Variants in PAPPA observed in about 807,000 individuals in gnomAD.
PAPPA encodes pappalysin-1.
A neutral mutation model predicts 164.0 loss-of-function variants in PAPPA; 60 were observed. The observed-to-expected ratio is 0.37, with a 90% CI of 0.30 to 0.45. The LOEUF is 0.45. PAPPA is among the 20% of genes least tolerant of loss of function. The probability of loss-of-function intolerance (pLI) is 1.00; values close to 1 mark genes in which losing one functional copy is unlikely to be tolerated. For synonymous variants in PAPPA, 875 were observed against 814.1 expected, an observed-to-expected ratio of 1.07 and a Z score of -1.27; for missense variants, 1,782 against 2,087.3, an observed-to-expected ratio of 0.85 and a Z score of 2.85.
At chr9:116,182,173 T>C (rs1454271716) in intron 1 of PAPPA, among the ~76,000 whole-genome samples, 1 of 152,242 alleles carries the variant, frequency 6.6e-6, no homozygotes, top group African/African-American at 2.4e-5. Context: ...GCTGATAGAC[T>C]TGTTGTGAAG....
intron 20 of PAPPA, among the ~76,000 whole-genome samples, chr9:116,381,296 C>A (rs915617013): frequency 2.6e-5 from 4 of 152,202 alleles, no homozygotes; most frequent in East Asian, 3.9e-4. Flanking sequence ...TATGCCGGTA[C>A]AATTACATTC....
intron 7 of PAPPA, among the ~76,000 whole-genome samples, chr9:116,262,574 C>T (rs975317602): frequency 3.3e-5 from 5 of 152,132 alleles, no homozygotes; most frequent in Non-Finnish European, 5.9e-5. Context: ...AGACTGGAAA[C>T]GGGATATGCT....
At chr9:116,195,726 C>T (rs1207287057) in intron 2 of PAPPA, among the ~76,000 whole-genome samples, 1 of 152,180 alleles carries the variant, frequency 6.6e-6, no homozygotes, top group Admixed American at 6.5e-5. Context: ...GATAGATCTT[C>T]TCGCTTCTTA....
At position 116,202,912 on chromosome 9, in the gene PAPPA, C is replaced by T. The variant is rs576560358; in HGVS notation, c.1479-4544C>T. Among the ~76,000 whole-genome samples the T allele has an allele frequency of 2.0e-5, 3 of 152,292 alleles. No homozygotes were observed. The East Asian group carries it at 5.8e-4, about 29-fold the overall frequency. On this transcript the variant is annotated intron_variant, in intron 2 of 21. Coordinates refer to ENST00000328252, the MANE Select transcript of PAPPA (RefSeq NM_002581.5). ...GCGACATTTTTCTTTAAATATTCAT[C>T]ATTTTCTTACAAATTTAGCCCTCTG... is the stretch of plus-strand genomic sequence containing the variant.
intron 10 of PAPPA, chr9:116,318,206 C>T (rs1010019273): frequency 6.6e-6 from 1 of 152,194 alleles, no homozygotes; most frequent in African/African-American, 2.4e-5. Context: ...TCAGCAACTC[C>T]CTTCTCCAAG....
At chr9:116,170,737 C>T (rs556896262) in intron 1 of PAPPA, among the ~76,000 whole-genome samples, 1 of 151,880 alleles carries the variant, frequency 6.6e-6, no homozygotes, top group East Asian at 1.9e-4. Flanking sequence ...TGCTATCCAT[C>T]CATCTATCCA....
Position 116,234,373 on chromosome 9 carries a change from T to C in PAPPA, c.2234-766T>C, listed in dbSNP as rs553917482. Among the ~76,000 whole-genome samples, 4 of 152,192 alleles carry C rather than the reference T, an allele frequency of 2.6e-5. No homozygotes were observed. The South Asian group carries it at 8.3e-4, about 32-fold the overall frequency. On this transcript the variant is annotated intron_variant, in intron 6 of 21. Transcript: ENST00000328252. ...AACAGAGTGCGGAGAAGCTCAGTGG[T>C]ATGGAATGACTGCATGTAGAGAAGG...
At chr9:116,207,371 A>C in intron 2 of PAPPA, 85 bp from the exon 3 acceptor site, 1 of 1,116,400 alleles carries the variant, frequency 9.0e-7, no homozygotes, top group East Asian at 2.5e-5. Context: ...AATGCCTGGC[A>C]CTCATAGTAG....
At chr9:116,234,232 C>T (rs1479433759) in intron 6 of PAPPA, among the ~76,000 whole-genome samples, 2 of 152,112 alleles carry the variant, frequency 1.3e-5, no homozygotes, top group African/African-American at 4.8e-5. Flanking sequence ...ATTCAGAAGT[C>T]GCTGCAGGCT....
At chr9:116,193,434 T>C (rs1296191757) in intron 2 of PAPPA, among the ~76,000 whole-genome samples, 1 of 152,158 alleles carries the variant, frequency 6.6e-6, no homozygotes, top group African/African-American at 2.4e-5. Context: ...AATGAAGGAC[T>C]CTCAGAGCTT....
Position 116,352,934 on chromosome 9 carries a change from T to G in PAPPA, c.4175+18T>G. ...TCAAAGAAGTAAGTGGGGTTGGAAA[T>G]GCAAACTTATGGTCTCTGGGAGGAC... On this transcript the variant is annotated intron_variant, in intron 16 of 21. Coordinates refer to ENST00000328252, the MANE Select transcript of PAPPA (RefSeq NM_002581.5). 6.3e-7 allele frequency: 1 copy of G among 1,587,058 alleles called. No individual in the cohort carries two copies. The highest frequency in any genetic ancestry group is 1.1e-5 in the South Asian group (1 of 90,016).
Position 116,154,550 on chromosome 9 carries a change from A to G in PAPPA, c.378A>G (p.Arg126=). Residue 126 remains arginine (R), a synonymous_variant, in exon 1 of 22, where the codon CGA becomes CGG. Coordinates refer to ENST00000328252, the MANE Select transcript of PAPPA (RefSeq NM_002581.5). The surrounding 1 kb of genome is among the most constrained non-coding windows in gnomAD (Gnocchi z 5.2). ...RDAFTLQVWL[R]AEGGQRSPAV... ...CGTTCACGCTGCAAGTGTGGCTGCG[A>G]GCGGAGGGGGGCCAGAGGTCTCCGG... 1 of 1,405,822 alleles carries G rather than the reference A, an allele frequency of 7.1e-7. No homozygotes were observed. Among genetic ancestry groups the G allele is most frequent in the Non-Finnish European group, 9.3e-7 (1 of 1,077,748 alleles). 87.1% of individuals were successfully genotyped at this position (1,405,822 alleles called of 1,614,324 possible). A position where few individuals can be genotyped will look rare whatever the true frequency, so the allele number is the denominator to read the frequency against.
intron 15 of PAPPA, 54 bp from the exon 16 acceptor site, chr9:116,352,652 C>T (rs1846297478): frequency 7.1e-7 from 1 of 1,401,394 alleles, no homozygotes; most frequent in African/African-American, 1.4e-5. Context: ...TATACATTAG[C>T]TTGGCTATCA....
intron 17 of PAPPA, among the ~76,000 whole-genome samples, chr9:116,359,062 T>TGAGGC (rs925919592): frequency 3.3e-5 from 5 of 152,166 alleles, no homozygotes; most frequent in Non-Finnish European, 7.3e-5. Context: ...ATAGAGAAGT[T>TGAGGC]AAAGAGCATC....
intron 7 of PAPPA, among the ~76,000 whole-genome samples, chr9:116,257,365 A>C (rs1478937884): frequency 6.6e-6 from 1 of 152,012 alleles, no homozygotes; most frequent in Non-Finnish European, 1.5e-5. Context: ...CAGAATGCCC[A>C]GTTTTGCCAT....
At chr9:116,268,018 C>T (rs538963010) in intron 8 of PAPPA, among the ~76,000 whole-genome samples, 1 of 149,908 alleles carries the variant, frequency 6.7e-6, no homozygotes, top group Admixed American at 6.6e-5. Context: ...GTATATTTAT[C>T]TATATATTTC....
At chr9:116,167,169 C>T (rs892419341) in intron 1 of PAPPA, among the ~76,000 whole-genome samples, 1 of 152,196 alleles carries the variant, frequency 6.6e-6, no homozygotes, top group African/African-American at 2.4e-5. Context: ...TCAGTGTCCA[C>T]AGGGGATTGG....
chr9:116,244,622 GA>G (rs1844774785), intron 7 of PAPPA, among the ~76,000 whole-genome samples: 1 of 152,092 alleles, frequency 6.6e-6, no homozygotes, highest in Non-Finnish European at 1.5e-5. Flanking sequence ...GATGAGTAAA[GA>G]GATAAGAAGG....
chr9:116,382,435 G>A lies in PAPPA; in HGVS notation c.4718G>A (p.Arg1573Gln), dbSNP rs1564250255. 3.1e-6 allele frequency: 5 copies of A among 1,613,694 alleles called. No individual in the cohort carries two copies. Among genetic ancestry groups the A allele is most frequent in the Non-Finnish European group, 3.4e-6 (4 of 1,179,868 alleles). Residue 1573 changes from arginine to glutamine, a missense_variant, in exon 21 of 22, where the codon CGA (arginine) becomes CAA (glutamine). Transcript: ENST00000328252. ...AATTATTGTGATGCCATCAACAACC[G>A]AGCCTTTTGCAACTATGACGGTGGG... ...GDNYCDAINNRAFCNYDGGDC... is the reference protein window; with the variant it reads ...GDNYCDAINNQAFCNYDGGDC...
Sources: gnomAD v4.1 joint callset for allele counts (sites outside exome capture counted in the v4.1 genomes callset) on GRCh38, gnomAD v4.1.1 for gene constraint, Gnocchi (gnomAD v3.1) non-coding constraint, MANE v1.5 for transcripts, NCBI Gene and HGNC (gene_info 2026-07-23, HGNC 2026-07-21) for gene names.